PPP1R9A: variants seen among roughly 807,000 people sequenced by gnomAD.
PPP1R9A encodes protein phosphatase 1 regulatory subunit 9A, also known as neurabin-1.
Under a neutral mutation model 141.9 loss-of-function variants are expected in PPP1R9A, and 59 were observed. The observed-to-expected ratio is 0.42, with a 90% CI of 0.34 to 0.52. The LOEUF is 0.52. Among genes scored for constraint, PPP1R9A ranks in the 20% least tolerant of loss-of-function variants. The pLI is 0.10. For missense variants in PPP1R9A, 1,444 were observed against 1,611.9 expected, an observed-to-expected ratio of 0.90 and a Z score of 1.78; for synonymous variants, 500 against 569.7, an observed-to-expected ratio of 0.88 and a Z score of 1.74.
intron 5 of PPP1R9A, among the ~76,000 whole-genome samples, chr7:95,174,297 A>C (rs1017875733): frequency 2.6e-5 from 4 of 152,140 alleles, no homozygotes. Flanking sequence ...ATACATTTGT[A>C]TAAAATTCTG....
At position 95,295,933 on chromosome 7, in the gene PPP1R9A, C is replaced by G. The variant is rs1163992950; in HGVS notation, c.*5630C>G. The G allele has an allele frequency of 6.6e-6, 1 of 152,530 alleles. No homozygotes were observed. Among genetic ancestry groups the G allele is most frequent in the East Asian group, 1.9e-4 (1 of 5,194 alleles). 9.4% of individuals were successfully genotyped at this position (152,530 alleles called of 1,614,324 possible). A position where few individuals can be genotyped will look rare whatever the true frequency, so the allele number is the denominator to read the frequency against. The stretch of plus-strand genomic sequence containing the variant: ...TAATGGTGTTGCAACCACTTGTACA[C>G]CTGCTACACCTTACTGACAAAACTG... On this transcript the variant is annotated 3_prime_UTR_variant, in exon 20 of 20. Transcript: ENST00000433360.
In PPP1R9A at chr7:95,269,601, A is replaced by T. The variant is rs889758117; in HGVS notation, c.3124+94A>T. The T allele has an allele frequency of 1.0e-4, 95 of 940,308 alleles. No homozygotes were observed. The African/African-American group carries it at 1.5e-3, about 15-fold the overall frequency. 58.2% of individuals were successfully genotyped at this position (940,308 alleles called of 1,614,324 possible). ...ATAATCATAAGTCATTTGTTTTCTCATAGCTAATAATTAATATTAATTTCT... is the reference window on the plus strand; with the variant it reads ...ATAATCATAAGTCATTTGTTTTCTCTTAGCTAATAATTAATATTAATTTCT... On this transcript the variant is annotated intron_variant, in intron 14 of 19. Transcript: ENST00000433360.
Position 95,294,848 on chromosome 7 carries a change from A to G in PPP1R9A, c.*4545A>G, listed in dbSNP as rs770782213. The G allele has an allele frequency of 3.9e-5, 6 of 152,446 alleles. No homozygotes were observed. Among genetic ancestry groups the G allele is most frequent in the South Asian group, 2.1e-4 (1 of 4,820 alleles). 9.4% of individuals were successfully genotyped at this position (152,446 alleles called of 1,614,324 possible). ...TTGTCCGTGGTGTCTATGTGGGCCT[A>G]TTGAGGGAATGGTAGTTACTTGAAG... On this transcript the variant is annotated 3_prime_UTR_variant, in exon 20 of 20. Transcript: ENST00000433360.
At chr7:95,179,778 C>CA (rs61054939) in intron 5 of PPP1R9A, among the ~76,000 whole-genome samples, 6,312 of 96,932 alleles carry the variant, frequency 0.065, 465 homozygotes, top group African/African-American at 0.16. Flanking sequence ...ACAATAGCTG[C>CA]AAAAAAAAAA....
intron 3 of PPP1R9A, among the ~76,000 whole-genome samples, chr7:95,118,000 A>T (rs989186136): frequency 6.6e-6 from 1 of 152,190 alleles, no homozygotes. Context: ...GCAATCATTC[A>T]TCCTTCATCA....
intron 5 of PPP1R9A, chr7:95,175,149 G>A (rs1437901819): frequency 1.3e-5 from 2 of 152,114 alleles, no homozygotes; most frequent in African/African-American, 4.8e-5. Context: ...AATATGTCCA[G>A]CCTACATGCA....
chr7:95,096,843 C>T (rs764690640), intron 2 of PPP1R9A, among the ~76,000 whole-genome samples: 1 of 152,116 alleles, frequency 6.6e-6, no homozygotes, highest in Non-Finnish European at 1.5e-5. Flanking sequence ...ACCCCCAACC[C>T]GCCTTATGTT....
At chr7:95,264,571 C>A (rs1260044565) in intron 12 of PPP1R9A, among the ~76,000 whole-genome samples, 1 of 152,144 alleles carries the variant, frequency 6.6e-6, no homozygotes, top group Non-Finnish European at 1.5e-5. Context: ...CCATTAAATT[C>A]TTTTAAAGGA....
intron 16 of PPP1R9A, among the ~76,000 whole-genome samples, chr7:95,277,200 T>C (rs1803367026): frequency 6.6e-6 from 1 of 152,212 alleles, no homozygotes; most frequent in Admixed American, 6.5e-5. Flanking sequence ...TGTTAGATTT[T>C]AAAGAGGCAA....
intron 2 of PPP1R9A, among the ~76,000 whole-genome samples, chr7:95,073,783 T>C (rs111416006): frequency 0.015 from 2,267 of 152,050 alleles, 63 homozygotes; most frequent in African/African-American, 0.051. Flanking sequence ...AGTCTTGCTG[T>C]GTTGCCTAGG....
chr7:95,128,229 C>A (rs1002011466), intron 4 of PPP1R9A, among the ~76,000 whole-genome samples: 1 of 152,146 alleles, frequency 6.6e-6, no homozygotes, highest in African/African-American at 2.4e-5. Context: ...AATAATATCT[C>A]ATTGAGGTTT....
At chr7:95,269,013 G>A (rs1356174958) in intron 13 of PPP1R9A, among the ~76,000 whole-genome samples, 194 bp from the exon 14 acceptor site, 1 of 152,084 alleles carries the variant, frequency 6.6e-6, no homozygotes, top group East Asian at 1.9e-4. Context: ...TGTTTCTGTA[G>A]GTCTTAGGTA....
chr7:95,003,248 A>T (rs1803184623), intron 2 of PPP1R9A, among the ~76,000 whole-genome samples: 2 of 152,152 alleles, frequency 1.3e-5, no homozygotes, highest in Admixed American at 1.3e-4. Flanking sequence ...ATTAGGAAAA[A>T]CTTGAATAAT....
chr7:95,130,004 T>A (rs867876167), intron 4 of PPP1R9A, among the ~76,000 whole-genome samples: 1 of 151,974 alleles, frequency 6.6e-6, no homozygotes, highest in Non-Finnish European at 1.5e-5. Flanking sequence ...GAAAAGAAAA[T>A]CCCATTTCCT....
chr7:94,952,208 G>A (rs1025943001), intron 2 of PPP1R9A, among the ~76,000 whole-genome samples: 2 of 152,042 alleles, frequency 1.3e-5, no homozygotes, highest in African/African-American at 4.8e-5. Context: ...GCGGTATTTG[G>A]TTTTCTGTCC....
At chr7:95,178,842 C>T (rs569371290) in intron 5 of PPP1R9A, among the ~76,000 whole-genome samples, 32 of 152,114 alleles carry the variant, frequency 2.1e-4, no homozygotes, top group African/African-American at 7.7e-4. Context: ...ATTAGATACC[C>T]TGAACACTCC....
chr7:95,271,232 A>C (rs1029794526), intron 14 of PPP1R9A, among the ~76,000 whole-genome samples: 1 of 152,204 alleles, frequency 6.6e-6, no homozygotes, highest in Non-Finnish European at 1.5e-5. Context: ...AACATCTTAG[A>C]TAACTTGCCA....
At chr7:95,102,732 G>A (rs1818950934) in intron 2 of PPP1R9A, among the ~76,000 whole-genome samples, 2 of 152,136 alleles carry the variant, frequency 1.3e-5, no homozygotes, top group Non-Finnish European at 2.9e-5. Context: ...TAACTTGTAG[G>A]TGTTGTAAAT....
At chr7:94,954,163 CT>C (rs1796811341) in intron 2 of PPP1R9A, among the ~76,000 whole-genome samples, 1 of 151,952 alleles carries the variant, frequency 6.6e-6, no homozygotes, top group South Asian at 2.1e-4. Flanking sequence ...AATTTTCAGC[CT>C]TTTTTTCTAA....
Sources: allele counts gnomAD v4.1 joint callset (sites outside exome capture counted in the v4.1 genomes callset), GRCh38; gene constraint gnomAD v4.1.1; transcripts MANE v1.5; gene names NCBI Gene and HGNC (gene_info 2026-07-23, HGNC 2026-07-21).